The following CEP162 variants were observed in gnomAD, a reference collection of about 807,000 sequenced individuals.
The protein encoded by CEP162 is centrosomal protein 162.
A neutral mutation model predicts 169.2 loss-of-function variants in CEP162; 141 were observed. That is an observed-to-expected ratio of 0.83 (90% confidence interval 0.73 to 0.96). CEP162 has a LOEUF of 0.96. Ranked by LOEUF, CEP162 falls within the 40% of genes least tolerant of loss-of-function variation. The probability of loss-of-function intolerance (pLI) is 0.00; values close to 1 mark genes in which losing one functional copy is unlikely to be tolerated. For synonymous variants in CEP162, 540 were observed against 526.4 expected, an observed-to-expected ratio of 1.03 and a Z score of -0.35; for missense variants, 1,600 against 1,587.2, an observed-to-expected ratio of 1.01 and a Z score of -0.14.
chr6:84,158,124 C>T (rs1031201265), intron 21 of CEP162, among the ~76,000 whole-genome samples: 5 of 152,148 alleles, frequency 3.3e-5, no homozygotes, highest in Non-Finnish European at 7.4e-5. Context: ...GTGAAGATAT[C>T]TTTGAAAAAC....
intron 21 of CEP162, among the ~76,000 whole-genome samples, chr6:84,158,232 T>C (rs1020304876): frequency 6.6e-6 from 1 of 152,226 alleles, no homozygotes; most frequent in African/African-American, 2.4e-5. Context: ...AAGAGCATAT[T>C]TGGGTTAGAC....
chr6:84,148,040 C>G (rs2099519700), intron 24 of CEP162, among the ~76,000 whole-genome samples: 1 of 151,996 alleles, frequency 6.6e-6, no homozygotes, highest in Non-Finnish European at 1.5e-5. Context: ...CTTTTCCTAC[C>G]TCTTCCAGAC....
intron 9 of CEP162, among the ~76,000 whole-genome samples, chr6:84,196,759 A>C (rs2099542335): frequency 6.6e-6 from 1 of 152,202 alleles, no homozygotes; most frequent in Non-Finnish European, 1.5e-5. Context: ...ACTTCTAAAC[A>C]GAAGAGATAG....
chr6:84,219,314 A>G, intron 3 of CEP162: 1 of 411,890 alleles, frequency 2.4e-6, no homozygotes, highest in Non-Finnish European at 4.8e-6. Flanking sequence ...TTAAGCTGAC[A>G]TTGTCAAAGT....
chr6:84,193,842 C>T (rs905485645), intron 10 of CEP162, among the ~76,000 whole-genome samples, 152 bp from the exon 11 acceptor site: 1 of 152,044 alleles, frequency 6.6e-6, no homozygotes, highest in Non-Finnish European at 1.5e-5. Context: ...TTCCTTATAC[C>T]AGGAAAACTT....
intron 25 of CEP162, among the ~76,000 whole-genome samples, chr6:84,135,410 T>C (rs1260281946): frequency 6.6e-6 from 1 of 152,180 alleles, no homozygotes; most frequent in Non-Finnish European, 1.5e-5. Flanking sequence ...AGGAGGTGGC[T>C]CAGGTGCTGG....
At position 84,155,310 on chromosome 6, in the gene CEP162, A is replaced by G. The variant is rs1213349350; in HGVS notation, c.2982T>C (p.Phe994=). The change falls in exon 22 of 27, where the codon TTT becomes TTC. Residue 994 remains phenylalanine, a synonymous_variant. Transcript: ENST00000403245. ...ACTTACCACTTACCTTCATTTTCTG[A>G]AACTGTTGTTCCATGGTACGAAGGC... ...KKSLRTMEQQ[F]QKMKIQYEQR... 4 of 1,613,012 alleles carry G rather than the reference A, an allele frequency of 2.5e-6. No homozygotes were observed. In the African/African-American group the frequency reaches 5.3e-5, roughly 22 times the overall value.
At chr6:84,147,476 AAG>A (rs542388145) in intron 24 of CEP162, among the ~76,000 whole-genome samples, 27 of 152,236 alleles carry the variant, frequency 1.8e-4, no homozygotes, top group African/African-American at 5.8e-4. Context: ...CGGTAACTAG[AAG>A]AGAGAGTTTG....
At chr6:84,142,762 C>T (rs185513175) in intron 25 of CEP162, among the ~76,000 whole-genome samples, 1 of 152,230 alleles carries the variant, frequency 6.6e-6, no homozygotes. Context: ...AGGAGTTCAT[C>T]CCCAAATCAA....
intron 13 of CEP162, among the ~76,000 whole-genome samples, chr6:84,176,634 C>T (rs2099532524): frequency 6.6e-6 from 1 of 152,162 alleles, no homozygotes; most frequent in Non-Finnish European, 1.5e-5. Context: ...AAAATGCTTA[C>T]AGGAACGTTT....
chr6:84,225,330 G>A (rs760506081), intron 2 of CEP162, among the ~76,000 whole-genome samples: 9 of 152,170 alleles, frequency 5.9e-5, no homozygotes, highest in Non-Finnish European at 1.3e-4. Context: ...TGTTCAGCAT[G>A]TACTGTACTG....
chr6:84,200,025 C>T (rs1328758356), intron 9 of CEP162, among the ~76,000 whole-genome samples: 2 of 151,958 alleles, frequency 1.3e-5, no homozygotes, highest in South Asian at 2.1e-4. Context: ...CTGAGGCGGG[C>T]GGATCACAAG....
chr6:84,160,375 G>C (rs2099525272), intron 21 of CEP162, among the ~76,000 whole-genome samples: 1 of 152,108 alleles, frequency 6.6e-6, no homozygotes, highest in Non-Finnish European at 1.5e-5. Context: ...ATAATGGCCA[G>C]CTCTTTGGGA....
chr6:84,159,336 AT>A (rs996828709), intron 21 of CEP162, among the ~76,000 whole-genome samples: 2 of 150,270 alleles, frequency 1.3e-5, no homozygotes, highest in Non-Finnish European at 3.0e-5. Context: ...TATGGATTCA[AT>A]TCTACATAAT....
chr6:84,189,589 C>T (rs2099538869), intron 11 of CEP162, among the ~76,000 whole-genome samples: 1 of 152,230 alleles, frequency 6.6e-6, no homozygotes, highest in African/African-American at 2.4e-5. Flanking sequence ...TCTCGCCGGG[C>T]CTTAGCTGCC....
Position 84,163,128 on chromosome 6 carries a change from C to T in CEP162, c.2512+16G>A. On this transcript the variant is annotated intron_variant, in intron 19 of 26. Transcript: ENST00000403245. ...TTATGATTATAAAGGTACACTGTTT[C>T]AGCTCAGTGTTTTACCTGTGACATA... 1 of 1,610,782 alleles carries T rather than the reference C, an allele frequency of 6.2e-7. No homozygotes were observed.
At chr6:84,130,703 A>G (rs2099510979) in intron 25 of CEP162, among the ~76,000 whole-genome samples, 1 of 151,946 alleles carries the variant, frequency 6.6e-6, no homozygotes, top group African/African-American at 2.4e-5. Context: ...CGGTGGTGAT[A>G]TCCCCTTTAT....
At chr6:84,128,155 A>G (rs1034626986) in intron 25 of CEP162, among the ~76,000 whole-genome samples, 1 of 152,350 alleles carries the variant, frequency 6.6e-6, no homozygotes, top group East Asian at 1.9e-4. Flanking sequence ...TGAATTAATT[A>G]GTCCATTCAC....
chr6:84,216,954 T>C (rs2099551798), intron 3 of CEP162, among the ~76,000 whole-genome samples: 1 of 152,212 alleles, frequency 6.6e-6, no homozygotes, highest in South Asian at 2.1e-4. Context: ...GGTAAAAAAG[T>C]ATAACTTATG....
Sources: allele counts gnomAD v4.1 joint callset (sites outside exome capture counted in the v4.1 genomes callset), GRCh38; gene constraint gnomAD v4.1.1; transcripts MANE v1.5; gene names NCBI Gene and HGNC (gene_info 2026-07-23, HGNC 2026-07-21).